The following PAPPA2 variants were observed in gnomAD, a reference collection of about 807,000 sequenced individuals.
PAPPA2 encodes pappalysin 2, also known as pappalysin-2.
A neutral mutation model predicts 176.4 loss-of-function variants in PAPPA2; 86 were observed. The ratio of observed to expected loss-of-function variants is 0.49; its 90% CI spans 0.41 to 0.58. PAPPA2 has a LOEUF of 0.58. PAPPA2 is among the 20% of genes least tolerant of loss of function. PAPPA2 has a pLI of 0.00. For missense variants in PAPPA2, 2,073 were observed against 2,256.9 expected (o/e 0.92, Z 1.65); for synonymous variants, 809 against 852.2 (o/e 0.95, Z 0.88).
intron 3 of PAPPA2, among the ~76,000 whole-genome samples, chr1:176,605,927 G>A (rs1172201080): frequency 6.6e-6 from 1 of 151,982 alleles, no homozygotes; most frequent in Non-Finnish European, 1.5e-5. Flanking sequence ...TTAGACCTTG[G>A]TATTCTTGGT....
intron 1 of PAPPA2, among the ~76,000 whole-genome samples, chr1:176,482,500 A>C (rs1409168065): frequency 1.3e-5 from 2 of 152,240 alleles, no homozygotes; most frequent in Non-Finnish European, 2.9e-5. Flanking sequence ...GAAGATCATT[A>C]AATTCCAACG....
Position 176,765,823 on chromosome 1 carries a change from A to C in PAPPA2, c.4309A>C (p.Ile1437Leu). The change falls in exon 15 of 23, where the codon ATC becomes CTC. Residue 1437 changes from isoleucine (I) to leucine (L), a missense_variant. By Grantham distance (5) the Ile-to-Leu change is conservative (BLOSUM62 2). Coordinates refer to ENST00000367662, the MANE Select transcript of PAPPA2 (RefSeq NM_020318.3). ...FALQASSGQYIRPMQKEILLT... is the reference protein window; with the variant it reads ...FALQASSGQYLRPMQKEILLT... ...CCTTCAGGCCAGCAGTGGGCAGTAC[A>C]TCAGGCCCATGCAGGTGAGTTGAAA... The C allele has an allele frequency of 2.5e-6, 4 of 1,613,998 alleles. No homozygotes were observed. The highest frequency in any genetic ancestry group is 3.4e-6 in the Non-Finnish European group (4 of 1,179,964).
chr1:176,655,632 G>T (rs575427772), intron 3 of PAPPA2, among the ~76,000 whole-genome samples: 1 of 151,932 alleles, frequency 6.6e-6, no homozygotes, highest in South Asian at 2.1e-4. Context: ...TAAAAATAAT[G>T]TGTACACATG....
intron 1 of PAPPA2, among the ~76,000 whole-genome samples, chr1:176,524,413 AT>A (rs1307035016): frequency 6.6e-6 from 1 of 152,132 alleles, no homozygotes; most frequent in Non-Finnish European, 1.5e-5. Flanking sequence ...ATTTTAATGA[AT>A]TTTTTTCTTA....
At chr1:176,710,571 A>G (rs1407820468) in intron 11 of PAPPA2, among the ~76,000 whole-genome samples, 6 of 152,208 alleles carry the variant, frequency 3.9e-5, no homozygotes, top group African/African-American at 1.4e-4. Context: ...ATATCCACCT[A>G]AATAGATAGA....
chr1:176,660,737 A>G (rs1311782438), intron 3 of PAPPA2, among the ~76,000 whole-genome samples: 1 of 152,156 alleles, frequency 6.6e-6, no homozygotes, highest in East Asian at 1.9e-4. Context: ...AAAATAATCA[A>G]AACAATAAAA....
chr1:176,763,471 T>G (rs1296854148), intron 14 of PAPPA2, among the ~76,000 whole-genome samples: 1 of 152,208 alleles, frequency 6.6e-6, no homozygotes, highest in Non-Finnish European at 1.5e-5. Context: ...CATTTGTCAT[T>G]ATAAAATTTA....
intron 12 of PAPPA2, among the ~76,000 whole-genome samples, chr1:176,716,787 A>G (rs1321341005): frequency 1.3e-5 from 2 of 150,958 alleles, no homozygotes; most frequent in East Asian, 2.0e-4. Context: ...AATTTTTTGT[A>G]TTTTTAGTAG....
intron 14 of PAPPA2, among the ~76,000 whole-genome samples, chr1:176,743,846 T>G (rs1662790334): frequency 6.6e-6 from 1 of 152,236 alleles, no homozygotes; most frequent in African/African-American, 2.4e-5. Flanking sequence ...AAAAATTGAT[T>G]GTAACTTCTG....
intron 1 of PAPPA2, among the ~76,000 whole-genome samples, chr1:176,494,543 A>G (rs1343419679): frequency 6.6e-6 from 1 of 152,220 alleles, no homozygotes; most frequent in Non-Finnish European, 1.5e-5. Flanking sequence ...TATTAAAATC[A>G]AAGAGCCAAA....
intron 1 of PAPPA2, among the ~76,000 whole-genome samples, chr1:176,536,481 C>T (rs1650071196): frequency 6.6e-6 from 1 of 152,290 alleles, no homozygotes; most frequent in African/African-American, 2.4e-5. Context: ...CTTGGCTGAC[C>T]TTGGCTAGAC....
chr1:176,669,240 G>C (rs1172197745), intron 3 of PAPPA2, among the ~76,000 whole-genome samples: 1 of 152,094 alleles, frequency 6.6e-6, no homozygotes, highest in Non-Finnish European at 1.5e-5. Context: ...ACCCTGAGCT[G>C]AGCCCATGCT....
At chr1:176,713,656 T>G (rs1159256841) in intron 12 of PAPPA2, among the ~76,000 whole-genome samples, 1 of 152,182 alleles carries the variant, frequency 6.6e-6, no homozygotes, top group African/African-American at 2.4e-5. Context: ...ATTTTGCCTC[T>G]CAAATGTAAA....
intron 2 of PAPPA2, among the ~76,000 whole-genome samples, chr1:176,565,390 C>G (rs1651907441): frequency 6.6e-6 from 1 of 152,140 alleles, no homozygotes; most frequent in African/African-American, 2.4e-5. Context: ...TTTTATGCCT[C>G]TGACCCTCTA....
chr1:176,730,054 G>A lies in PAPPA2; in HGVS notation c.3799-9572G>A, dbSNP rs184093073. Reference sequence around the variant, plus strand: ...TTTAAACGTATTGTTGGATTTTATTGGGTAATCTTTTATTTTTGACTTTTG... The same window carrying A: ...TTTAAACGTATTGTTGGATTTTATTAGGTAATCTTTTATTTTTGACTTTTG... On this transcript the variant is annotated intron_variant, in intron 12 of 22. Transcript: ENST00000367662. Among the ~76,000 whole-genome samples the A allele has an allele frequency of 5.2e-4, 79 of 151,754 alleles. No homozygotes were observed. In the Middle Eastern group the frequency reaches 0.01, roughly 20 times the overall value.
chr1:176,597,141 A>G (rs1039643297), intron 3 of PAPPA2, among the ~76,000 whole-genome samples: 4 of 152,178 alleles, frequency 2.6e-5, no homozygotes, highest in African/African-American at 9.6e-5. Context: ...CGAGAATACA[A>G]TTTGGAATCA....
chr1:176,691,959 A>C (rs781016603), intron 5 of PAPPA2, among the ~76,000 whole-genome samples, 167 bp from the exon 6 acceptor site: 1 of 152,206 alleles, frequency 6.6e-6, no homozygotes, highest in Non-Finnish European at 1.5e-5. Flanking sequence ...TTTCCAGCTT[A>C]GACCCTTTCT....
chr1:176,570,846 GCA>G (rs1220124799), intron 2 of PAPPA2, among the ~76,000 whole-genome samples: 1 of 152,080 alleles, frequency 6.6e-6, no homozygotes. Flanking sequence ...CAAAAGCCAA[GCA>G]CATTTGAGGA....
chr1:176,710,037 A>G lies in PAPPA2; in HGVS notation c.3512A>G (p.Glu1171Gly), dbSNP rs1156307625. ...GGAGATGGCATATGTGAACCTTTTG[A>G]GAGAAAAACCAGCATTGTAGACTGT... Reference protein sequence around the residue: ...YEGDGICEPFERKTSIVDCGI... With the variant: ...YEGDGICEPFGRKTSIVDCGI... The change falls in exon 11 of 23, where the codon GAG (glutamate) becomes GGG (glycine). Residue 1171 changes from glutamate to glycine, a missense_variant. By Grantham distance (98) the Glu-to-Gly change is moderately conservative. Coordinates refer to ENST00000367662, the MANE Select transcript of PAPPA2 (RefSeq NM_020318.3). 1.2e-6 allele frequency: 2 copies of G among 1,613,578 alleles called. No individual in the cohort carries two copies. Among genetic ancestry groups the G allele is most frequent in the South Asian group, 2.2e-5 (2 of 91,028 alleles).
Sources: allele counts gnomAD v4.1 joint callset (sites outside exome capture counted in the v4.1 genomes callset), GRCh38; gene constraint gnomAD v4.1.1; transcripts MANE v1.5; gene names NCBI Gene and HGNC (gene_info 2026-07-23, HGNC 2026-07-21).